Variants in NTRK2 observed in about 807,000 individuals in gnomAD.
NTRK2 encodes BDNF/NT-3 growth factors receptor.
In NTRK2, 13 loss-of-function variants were observed where a neutral mutation model predicts 94.5. That is an observed-to-expected ratio of 0.14 (90% CI 0.09 to 0.22). The LOEUF (loss-of-function observed/expected upper bound fraction) is 0.22, where lower values mean the gene tolerates loss of function less well. Ranked by LOEUF, NTRK2 falls within the 10% of genes least tolerant of loss-of-function variation. NTRK2 has a pLI of 1.00. For synonymous variants in NTRK2, 372 were observed against 407.4 expected (o/e 0.91, Z 1.05); for missense variants, 639 against 1,071.2 (o/e 0.60, Z 5.63).
At chr9:84,912,302 A>AT (rs1029069715) in intron 14 of NTRK2, among the ~76,000 whole-genome samples, 6 of 152,002 alleles carry the variant, frequency 3.9e-5, no homozygotes, top group Admixed American at 6.6e-5. Flanking sequence ...ATTCTTGCTG[A>AT]TTTTTTCTGT....
At chr9:84,833,513 G>A (rs1171728898) in intron 12 of NTRK2, among the ~76,000 whole-genome samples, 1 of 150,930 alleles carries the variant, frequency 6.6e-6, no homozygotes, top group African/African-American at 2.4e-5. Flanking sequence ...AGGAAGGAAG[G>A]AAGGGATCAC....
At chr9:84,797,866 A>AAC (rs2069793934) in intron 12 of NTRK2, among the ~76,000 whole-genome samples, 1 of 105,458 alleles carries the variant, frequency 9.5e-6, no homozygotes, top group Non-Finnish European at 1.8e-5. Flanking sequence ...ATACTATAAT[A>AAC]ATATATATAA....
intron 2 of NTRK2, among the ~76,000 whole-genome samples, chr9:84,698,513 A>C (rs189944742): frequency 1.7e-4 from 26 of 152,100 alleles, no homozygotes; most frequent in Admixed American, 6.5e-5. Context: ...TATTACAATG[A>C]CTCTTCTTGA....
At chr9:84,973,251 A>T (rs895068703) in intron 17 of NTRK2, among the ~76,000 whole-genome samples, 2 of 152,230 alleles carry the variant, frequency 1.3e-5, no homozygotes, top group African/African-American at 2.4e-5. Flanking sequence ...AGCAGATCAG[A>T]GAAACCCAGA....
intron 13 of NTRK2, 40 bp downstream of exon 13, chr9:84,861,127 G>A (rs1466394768): frequency 2.0e-6 from 3 of 1,477,890 alleles, no homozygotes; most frequent in South Asian, 1.1e-5. Flanking sequence ...TAAGTAATGA[G>A]TCTATGTTTT....
At chr9:84,912,059 T>C (rs2077251649) in intron 14 of NTRK2, among the ~76,000 whole-genome samples, 1 of 152,186 alleles carries the variant, frequency 6.6e-6, no homozygotes, top group African/African-American at 2.4e-5. Context: ...AAAGACTTTC[T>C]TGTCATTCTG....
chr9:85,003,578 G>A (rs1215367711), intron 17 of NTRK2, among the ~76,000 whole-genome samples: 1 of 152,158 alleles, frequency 6.6e-6, no homozygotes, highest in African/African-American at 2.4e-5. Flanking sequence ...GGTAGGAACT[G>A]AGGGGTCCTG....
chr9:84,704,225 CTTTTT>C (rs773413015), intron 4 of NTRK2, among the ~76,000 whole-genome samples: 3 of 93,710 alleles, frequency 3.2e-5, no homozygotes, highest in African/African-American at 1.3e-4. Flanking sequence ...TGGTGGTATT[CTTTTT>C]TTTTTTTTTT....
chr9:84,831,320 A>G (rs1587565184), intron 12 of NTRK2, among the ~76,000 whole-genome samples: 4 of 152,280 alleles, frequency 2.6e-5, no homozygotes, highest in Admixed American at 2.6e-4. Context: ...TTTGTTAGCA[A>G]CCTTGTTAAC....
chr9:84,677,503 G>A (rs1365457624), intron 2 of NTRK2, among the ~76,000 whole-genome samples: 1 of 152,276 alleles, frequency 6.6e-6, no homozygotes, highest in South Asian at 2.1e-4. Context: ...GACGTGAAGG[G>A]CCCTTTACAG....
rs115640820 is a variant in NTRK2, at chr9:84,747,267, T to C, written c.1296+2194T>C. ...TCCGTAGATGACTATATGCATTACA[T>C]TGAAATAGCAAGAACAAATACCATG... On this transcript the variant is annotated intron_variant, in intron 11 of 18. Coordinates refer to ENST00000277120, the MANE Select transcript of NTRK2 (RefSeq NM_006180.6). Among the ~76,000 whole-genome samples, 699 of 152,256 alleles carry C rather than the reference T, an allele frequency of 4.6e-3. 7 individuals carry two copies. The highest frequency in any genetic ancestry group is 0.016 in the African/African-American group (662 of 41,552).
intron 14 of NTRK2, among the ~76,000 whole-genome samples, chr9:84,882,711 TGTGTGTGTGCGCGC>T (rs1370599786): frequency 1.4e-5 from 2 of 147,132 alleles, no homozygotes; most frequent in African/African-American, 2.6e-5. Flanking sequence ...TGTGTGTGTG[TGTGTGTGTGCGCGC>T]GCGCGCGCAT....
intron 17 of NTRK2, among the ~76,000 whole-genome samples, chr9:85,001,418 T>A (rs1255041589): frequency 6.6e-6 from 1 of 152,212 alleles, no homozygotes; most frequent in Non-Finnish European, 1.5e-5. Flanking sequence ...ACTGGTCCTC[T>A]CAGCTCCACC....
intron 12 of NTRK2, among the ~76,000 whole-genome samples, chr9:84,820,169 C>CTTTTTT (rs902886137): frequency 2.3e-5 from 3 of 132,518 alleles, no homozygotes; most frequent in Non-Finnish European, 3.2e-5. Context: ...TTCTTTCTTT[C>CTTTTTT]TTTTTTTTTT....
rs749249698 is a variant in NTRK2 at position 85,026,608 on chromosome 9, C to T, written c.*5171C>T. ...AATTATGGTGAACTATTGCTCCCTGCGTTCTTTGATCATTACCTATGACTT... is the reference window on the plus strand; with the variant it reads ...AATTATGGTGAACTATTGCTCCCTGTGTTCTTTGATCATTACCTATGACTT... On this transcript the variant is annotated 3_prime_UTR_variant, in exon 19 of 19. Coordinates refer to ENST00000277120, the MANE Select transcript of NTRK2 (RefSeq NM_006180.6). 13 of 232,720 alleles carry T rather than the reference C, an allele frequency of 5.6e-5. No homozygotes were observed. Among genetic ancestry groups the T allele is most frequent in the Non-Finnish European group, 9.3e-5 (11 of 117,838 alleles). 14.4% of individuals were successfully genotyped at this position (232,720 alleles called of 1,614,324 possible).
intron 16 of NTRK2, among the ~76,000 whole-genome samples, chr9:84,954,347 C>T (rs1229310722): frequency 6.6e-6 from 1 of 152,202 alleles, no homozygotes; most frequent in Non-Finnish European, 1.5e-5. Context: ...GGGCGGCATC[C>T]TAAGACGCGG....
At chr9:84,933,757 A>G (rs887298582) in intron 14 of NTRK2, among the ~76,000 whole-genome samples, 1 of 152,132 alleles carries the variant, frequency 6.6e-6, no homozygotes, top group African/African-American at 2.4e-5. Context: ...CTTAACCAAT[A>G]ATTCAGGATT....
chr9:84,705,427 C>G (rs777855257), intron 4 of NTRK2, among the ~76,000 whole-genome samples: 10 of 152,238 alleles, frequency 6.6e-5, no homozygotes, highest in Non-Finnish European at 1.5e-4. Flanking sequence ...TTTTTCCCTC[C>G]CCTCTTCCTC....
intron 14 of NTRK2, among the ~76,000 whole-genome samples, chr9:84,926,038 C>T (rs1220695857): frequency 1.3e-5 from 2 of 152,212 alleles, no homozygotes; most frequent in South Asian, 2.1e-4. Flanking sequence ...GTCTGAACTA[C>T]TTAGTGAGAT....
Sources: allele counts gnomAD v4.1 joint callset (sites outside exome capture counted in the v4.1 genomes callset), GRCh38; gene constraint gnomAD v4.1.1; transcripts MANE v1.5; gene names NCBI Gene and HGNC (gene_info 2026-07-23, HGNC 2026-07-21).